SYNPR: variants seen among roughly 807,000 people sequenced by gnomAD.
The protein encoded by SYNPR is synaptoporin.
In SYNPR, 23 loss-of-function variants were observed where a neutral mutation model predicts 32.9. That is an observed-to-expected ratio of 0.70 (90% CI 0.50 to 0.99). The LOEUF is 0.99. Among genes scored for constraint, SYNPR ranks in the 50% least tolerant of loss-of-function variants. The probability of loss-of-function intolerance (pLI) is 0.00; values close to 1 mark genes in which losing one functional copy is unlikely to be tolerated. For missense variants in SYNPR, 318 were observed against 349.3 expected (o/e 0.91, Z 0.71); for synonymous variants, 146 against 135.9 (o/e 1.07, Z -0.52).
chr3:63,238,095 C>T (rs1438515096), intron 1 of SYNPR, among the ~76,000 whole-genome samples: 2 of 152,034 alleles, frequency 1.3e-5, no homozygotes, highest in Non-Finnish European at 2.9e-5. Flanking sequence ...TGTGGGTCAG[C>T]TTCTTAAGTT....
chr3:63,403,620 A>G (rs1575626790), intron 2 of SYNPR, among the ~76,000 whole-genome samples: 1 of 152,194 alleles, frequency 6.6e-6, no homozygotes, highest in Non-Finnish European at 1.5e-5. Flanking sequence ...TACTTGCAGT[A>G]TGGAGAGCTG....
chr3:63,241,292 A>T (rs753825894), intron 1 of SYNPR, among the ~76,000 whole-genome samples: 1 of 152,132 alleles, frequency 6.6e-6, no homozygotes, highest in Non-Finnish European at 1.5e-5. Context: ...TGAAAATGGC[A>T]AATATTATTG....
the SYNPR span, among the ~76,000 whole-genome samples, chr3:63,209,495 A>G: frequency 6.6e-6 from 1 of 152,204 alleles, no homozygotes; most frequent in Non-Finnish European, 1.5e-5. Context: ...TTTAAACAAC[A>G]AAGTACAGTC....
intron 4 of SYNPR, among the ~76,000 whole-genome samples, chr3:63,578,283 A>G (rs2106856554): frequency 6.6e-6 from 1 of 152,212 alleles, no homozygotes; most frequent in East Asian, 1.9e-4. Context: ...GCCTCACTTG[A>G]AATAGGTAGG....
At chr3:63,314,902 A>T (rs948642151) in intron 2 of SYNPR, among the ~76,000 whole-genome samples, 1 of 151,880 alleles carries the variant, frequency 6.6e-6, no homozygotes, top group Non-Finnish European at 1.5e-5. Flanking sequence ...GCTTGAGTTG[A>T]TTTTTTTATA....
chr3:63,408,194 G>GA (rs1553876891), intron 2 of SYNPR, among the ~76,000 whole-genome samples: 649 of 50,094 alleles, frequency 0.013, 86 homozygotes, highest in Non-Finnish European at 0.016. Context: ...AAGAAAGAAA[G>GA]AGGAAGGAAG....
chr3:63,481,449 A>ACGTGTGTG, intron 3 of SYNPR, among the ~76,000 whole-genome samples: 1 of 148,040 alleles, frequency 6.8e-6, no homozygotes, highest in African/African-American at 2.5e-5. Flanking sequence ...ATATATATAT[A>ACGTGTGTG]TATGTGTGTG....
chr3:63,540,271 G>A (rs1049978208), intron 3 of SYNPR, among the ~76,000 whole-genome samples: 7 of 152,070 alleles, frequency 4.6e-5, no homozygotes, highest in Admixed American at 4.6e-4. Context: ...ATTAAAGATT[G>A]TGTTTAATTA....
chr3:63,565,224 G>A (rs992114150), intron 4 of SYNPR, among the ~76,000 whole-genome samples: 1 of 152,140 alleles, frequency 6.6e-6, no homozygotes, highest in African/African-American at 2.4e-5. Context: ...GGAGGAGGGA[G>A]GTGACAATTT....
intron 3 of SYNPR, among the ~76,000 whole-genome samples, chr3:63,502,311 G>A (rs966469408): frequency 4.0e-5 from 6 of 151,162 alleles, no homozygotes; most frequent in South Asian, 2.1e-4. Context: ...CCCCTTCCCC[G>A]CCACATGCAT....
At position 63,362,916 on chromosome 3, in the gene SYNPR, A is replaced by C. The variant is rs577982490; in HGVS notation, c.84+84174A>C. Among the ~76,000 whole-genome samples, 15 of 152,350 alleles carry C rather than the reference A, an allele frequency of 9.8e-5. No homozygotes were observed. In the South Asian group the frequency reaches 3.1e-3, roughly 32 times the overall value. ...AATAAGAAAAAATTTCATGGAGAGCAAAAACCATTATCTAAATGATTCCTG... is the reference window on the plus strand; with the variant it reads ...AATAAGAAAAAATTTCATGGAGAGCCAAAACCATTATCTAAATGATTCCTG... On this transcript the variant is annotated intron_variant, in intron 2 of 5. Coordinates refer to ENST00000478300, the MANE Select transcript of SYNPR (RefSeq NM_001130003.2).
intron 2 of SYNPR, among the ~76,000 whole-genome samples, chr3:63,394,125 A>T (rs1387984384): frequency 6.6e-6 from 1 of 152,204 alleles, no homozygotes; most frequent in Non-Finnish European, 1.5e-5. Flanking sequence ...TATAGTAGGT[A>T]CAGAATAAAT....
chr3:63,307,704 C>G (rs1003645204), intron 2 of SYNPR, among the ~76,000 whole-genome samples: 1 of 151,870 alleles, frequency 6.6e-6, no homozygotes, highest in African/African-American at 2.4e-5. Context: ...GATAATCATC[C>G]TTCAATTTAC....
upstream of SYNPR, among the ~76,000 whole-genome samples, chr3:63,227,612 A>G (rs1461442745): frequency 2.6e-5 from 4 of 152,104 alleles, no homozygotes; most frequent in Admixed American, 2.0e-4. Context: ...CTGCTTCTCT[A>G]TATTTGGCAT....
chr3:63,410,273 G>T (rs563493777), intron 2 of SYNPR, among the ~76,000 whole-genome samples: 9 of 152,230 alleles, frequency 5.9e-5, no homozygotes. Context: ...CTGAAATCAT[G>T]AACTTAATTA....
chr3:63,401,302 T>C (rs2088286938), intron 2 of SYNPR, among the ~76,000 whole-genome samples: 1 of 152,150 alleles, frequency 6.6e-6, no homozygotes, highest in Non-Finnish European at 1.5e-5. Context: ...ACTCAGGCCA[T>C]CCACGAATCA....
chr3:63,252,597 C>T (rs2086341890), intron 2 of SYNPR: 1 of 152,090 alleles, frequency 6.6e-6, no homozygotes. Flanking sequence ...GTACAGAAAA[C>T]ATTTCTAAAA....
intron 2 of SYNPR, among the ~76,000 whole-genome samples, chr3:63,447,604 A>G (rs1378808417): frequency 1.3e-5 from 2 of 151,890 alleles, no homozygotes; most frequent in African/African-American, 4.8e-5. Flanking sequence ...CAGCACATGA[A>G]GCACTAAATC....
At chr3:63,324,719 C>T (rs2087146924) in intron 2 of SYNPR, among the ~76,000 whole-genome samples, 1 of 152,080 alleles carries the variant, frequency 6.6e-6, no homozygotes, top group Admixed American at 6.6e-5. Flanking sequence ...AGGGAAGCTG[C>T]CTGCAGTGGA....
Sources: gnomAD v4.1 joint callset for allele counts (sites outside exome capture counted in the v4.1 genomes callset) on GRCh38, gnomAD v4.1.1 for gene constraint, MANE v1.5 for transcripts, NCBI Gene and HGNC (gene_info 2026-07-23, HGNC 2026-07-21) for gene names.